MCCC1: variants seen among roughly 807,000 people sequenced by gnomAD.
The protein encoded by MCCC1 is methylcrotonoyl-CoA carboxylase subunit alpha, mitochondrial.
In MCCC1, 64 loss-of-function variants were observed where a neutral mutation model predicts 83.8. That is an observed-to-expected ratio of 0.76 (90% CI 0.62 to 0.94). MCCC1 has a LOEUF of 0.94. Ranked by LOEUF, MCCC1 falls within the 40% of genes least tolerant of loss-of-function variation. The probability of loss-of-function intolerance (pLI) is 0.00; values close to 1 mark genes in which losing one functional copy is unlikely to be tolerated. For synonymous variants in MCCC1, 322 were observed against 315.4 expected (o/e 1.02, Z -0.22); for missense variants, 807 against 904.7 (o/e 0.89, Z 1.39).
chr3:183,085,395 T>A (rs1381358459), intron 4 of MCCC1, among the ~76,000 whole-genome samples: 1 of 152,120 alleles, frequency 6.6e-6, no homozygotes, highest in Non-Finnish European at 1.5e-5. Context: ...CTTTGGGAAC[T>A]GAGGCAGGCA....
chr3:183,109,184 G>A (rs1368521306), intron 1 of MCCC1, among the ~76,000 whole-genome samples: 1 of 152,046 alleles, frequency 6.6e-6, no homozygotes, highest in Admixed American at 6.6e-5. Flanking sequence ...TAGAGACGGG[G>A]TTTCACCATG....
chr3:183,092,347 C>A, intron 3 of MCCC1, 62 bp downstream of exon 3: 2 of 1,608,418 alleles, frequency 1.2e-6, no homozygotes, highest in Admixed American at 1.7e-5. Flanking sequence ...TCATAAAGAA[C>A]GAAAATACTG....
intron 7 of MCCC1, among the ~76,000 whole-genome samples, chr3:183,067,381 A>G (rs1231338908): frequency 1.3e-5 from 2 of 152,242 alleles, no homozygotes; most frequent in African/African-American, 4.8e-5. Context: ...GAAGAGTTAT[A>G]TCAAAACCAA....
At chr3:183,020,313 A>C (rs1712047611) in intron 16 of MCCC1, 76 bp from the exon 17 acceptor site, 2 of 1,176,398 alleles carry the variant, frequency 1.7e-6, no homozygotes, top group East Asian at 4.8e-5. Flanking sequence ...TGAGGTAATA[A>C]TTGTTTCCCA....
In MCCC1 at chr3:183,064,271, C is replaced by T. The variant is rs1389801720; in HGVS notation, c.761+6728G>A. Among the ~76,000 whole-genome samples, 1 of 30,328 alleles carries T rather than the reference C, an allele frequency of 3.3e-5. No homozygotes were observed. Among genetic ancestry groups the T allele is most frequent in the Non-Finnish European group, 1.1e-4 (1 of 9,100 alleles). 19.9% of individuals were successfully genotyped at this position (30,328 alleles called of 152,430 possible). A position where few individuals can be genotyped will look rare whatever the true frequency, so the allele number is the denominator to read the frequency against. ...GCTGATGGGACTGCTAGAAAAGATC[C>T]CCCTTTTTTTTTTAATTCCAAGTGA... On this transcript the variant is annotated intron_variant, in intron 7 of 18. Transcript: ENST00000265594. The surrounding 1 kb of genome is among the most constrained non-coding windows in gnomAD (Gnocchi z 4.5).
intron 1 of MCCC1, among the ~76,000 whole-genome samples, chr3:183,110,722 G>A (rs533476221): frequency 6.6e-6 from 1 of 152,230 alleles, no homozygotes; most frequent in African/African-American, 2.4e-5. Flanking sequence ...CAAGGCTGAT[G>A]TTCAGAATGG....
At chr3:183,037,534 A>C in intron 12 of MCCC1, 100 bp from the exon 13 acceptor site, 3 of 1,020,994 alleles carry the variant, frequency 2.9e-6, no homozygotes, top group South Asian at 1.4e-5. Context: ...ACTGTGAACA[A>C]CTCTTAGGAA....
At chr3:183,032,873 CAAAA>C (rs374480916) in intron 14 of MCCC1, among the ~76,000 whole-genome samples, 3 of 115,506 alleles carry the variant, frequency 2.6e-5, no homozygotes, top group Non-Finnish European at 1.9e-5. Context: ...GAGTCTGTGT[CAAAA>C]AAAAAAAAAA....
rs775929240 is a variant in MCCC1, at chr3:183,020,227, A to G, written c.1880T>C (p.Ile627Thr). 6.2e-7 allele frequency: 1 copy of G among 1,613,400 alleles called. No homozygotes were observed. The highest frequency in any genetic ancestry group is 2.2e-5 in the East Asian group (1 of 44,864). ...TTTGGGGACTGGAATGTCAATCTCA[A>G]TACTTCCTTCCTAGAAACAGAAAAC... ...TIYLFSKEGS[I>T]EIDIPVPKYL... is the part of the protein sequence containing the mutation. The change falls in exon 17 of 19, where the codon ATT becomes ACT. Residue 627 changes from isoleucine (I) to threonine (T), a missense_variant. Transcript: ENST00000265594.
chr3:183,071,976 C>T (rs781721428), intron 5 of MCCC1, among the ~76,000 whole-genome samples: 8 of 151,366 alleles, frequency 5.3e-5, no homozygotes, highest in Non-Finnish European at 1.0e-4. Flanking sequence ...TCAAGCAATC[C>T]TCCCACCTCA....
intron 8 of MCCC1, 61 bp downstream of exon 8, chr3:183,057,250 G>GA: frequency 7.6e-7 from 1 of 1,314,218 alleles, no homozygotes; most frequent in Non-Finnish European, 1.1e-6. Context: ...TTTCTGATGT[G>GA]AAAATCAGAG....
rs1716620399 is a variant in MCCC1, at chr3:183,070,919, T to G, written c.761+80A>C. 4.1e-6 allele frequency: 6 copies of G among 1,458,644 alleles called. No individual in the cohort carries two copies. In the East Asian group the frequency reaches 1.2e-4, roughly 30 times the overall value. The allele number at this position is 1,458,644 out of a possible 1,614,324, so 90.4% of individuals were successfully genotyped here. On this transcript the variant is annotated intron_variant, in intron 7 of 18. Transcript: ENST00000265594. ...AATATACTTATATACTACTACAGTT[T>G]TATATTTTATAGAATGTGCATGCAT...
At chr3:183,062,852 A>G (rs1715948971) in intron 7 of MCCC1, among the ~76,000 whole-genome samples, 1 of 152,210 alleles carries the variant, frequency 6.6e-6, no homozygotes, top group African/African-American at 2.4e-5. Context: ...TCTGAGAACC[A>G]GGAGGTGCAT....
At chr3:183,110,690 G>A (rs932400469) in intron 1 of MCCC1, among the ~76,000 whole-genome samples, 18 of 151,872 alleles carry the variant, frequency 1.2e-4, no homozygotes, top group African/African-American at 3.4e-4. Context: ...CACCGCACCC[G>A]GCCTAGTCAC....
chr3:183,024,005 C>A (rs1712373262), intron 15 of MCCC1, among the ~76,000 whole-genome samples: 1 of 152,178 alleles, frequency 6.6e-6, no homozygotes, highest in Non-Finnish European at 1.5e-5. Context: ...AATCCCAGCA[C>A]TTTGGGAGGC....
At chr3:183,051,939 AC>A (rs1169406021) in intron 9 of MCCC1, among the ~76,000 whole-genome samples, 1 of 152,226 alleles carries the variant, frequency 6.6e-6, no homozygotes, top group African/African-American at 2.4e-5. Context: ...TATAATTAAG[AC>A]AAGTACTGTT....
At chr3:183,074,603 T>C (rs1446751923) in intron 4 of MCCC1, among the ~76,000 whole-genome samples, 2 of 152,162 alleles carry the variant, frequency 1.3e-5, no homozygotes, top group African/African-American at 2.4e-5. Context: ...CTCATACGAA[T>C]AGAAAAACCC....
At chr3:183,039,493 C>T (rs1217307136) in intron 11 of MCCC1, among the ~76,000 whole-genome samples, 4 of 152,164 alleles carry the variant, frequency 2.6e-5, no homozygotes, top group Non-Finnish European at 5.9e-5. Flanking sequence ...TTAGCATTCC[C>T]CTCCCCTCCA....
chr3:183,016,569 T>C (rs956393386), intron 18 of MCCC1, among the ~76,000 whole-genome samples: 11 of 152,262 alleles, frequency 7.2e-5, no homozygotes, highest in South Asian at 4.1e-4. Context: ...CTCCTGGAGA[T>C]TGCAATTCAA....
Sources: gnomAD v4.1 joint callset for allele counts (sites outside exome capture counted in the v4.1 genomes callset) on GRCh38, gnomAD v4.1.1 for gene constraint, Gnocchi (gnomAD v3.1) non-coding constraint, MANE v1.5 for transcripts, NCBI Gene and HGNC (gene_info 2026-07-23, HGNC 2026-07-21) for gene names.